Variants in SHROOM3 observed in about 807,000 individuals in gnomAD.
SHROOM3 encodes the protein protein Shroom3.
In SHROOM3, 47 loss-of-function variants were observed where a neutral mutation model predicts 138.6. That is an observed-to-expected ratio of 0.34 (90% CI 0.27 to 0.43). The LOEUF (loss-of-function observed/expected upper bound fraction) is 0.43, where lower values mean the gene tolerates loss of function less well. Among genes scored for constraint, SHROOM3 ranks in the 20% least tolerant of loss-of-function variants. The pLI is 1.00. For synonymous variants in SHROOM3, 1,062 were observed against 1,063.3 expected (o/e 1.00, Z 0.02); for missense variants, 2,491 against 2,596.5 (o/e 0.96, Z 0.88).
rs150682127 is a variant in SHROOM3, at chr4:76,694,271, A to G, written c.324-15885A>G. On this transcript the variant is annotated intron_variant, in intron 2 of 10. Coordinates refer to ENST00000296043, the MANE Select transcript of SHROOM3 (RefSeq NM_020859.4). Reference sequence around the variant, plus strand: ...TAAGACATTGTACCCTCAAGGGTTCATAGACACTCCAGCCACAAGTGTGAA... The same window carrying G: ...TAAGACATTGTACCCTCAAGGGTTCGTAGACACTCCAGCCACAAGTGTGAA... 3.3e-5 allele frequency among the ~76,000 whole-genome samples: 5 copies of G among 152,340 alleles called. No individual in the cohort carries two copies. The East Asian group carries it at 7.7e-4, about 24-fold the overall frequency.
At chr4:76,714,628 A>G (rs949224344) in intron 3 of SHROOM3, among the ~76,000 whole-genome samples, 2 of 152,222 alleles carry the variant, frequency 1.3e-5, no homozygotes, top group African/African-American at 2.4e-5. Flanking sequence ...TTTTCAGGCT[A>G]TGGAAATATC....
At chr4:76,765,048 T>C (rs996420822) in intron 9 of SHROOM3, among the ~76,000 whole-genome samples, 7 of 152,216 alleles carry the variant, frequency 4.6e-5, no homozygotes, top group African/African-American at 1.2e-4. Flanking sequence ...GTCCTTCAGA[T>C]TGGATAATTT....
chr4:76,630,707 C>T (rs568891956), intron 2 of SHROOM3, among the ~76,000 whole-genome samples: 43 of 152,186 alleles, frequency 2.8e-4, no homozygotes, highest in South Asian at 1.0e-3. Context: ...AGAATGTAGG[C>T]GACTCTGCCA....
chr4:76,556,285 A>T (rs192952967), intron 2 of SHROOM3, among the ~76,000 whole-genome samples: 86 of 152,352 alleles, frequency 5.6e-4, no homozygotes, highest in African/African-American at 1.8e-3. Flanking sequence ...CCTTAGCATC[A>T]GAAGCTTTGT....
At position 76,435,866 on chromosome 4, in the gene SHROOM3, C is replaced by T. The variant is rs759172405; in HGVS notation, c.-187C>T. 3.6e-6 allele frequency: 2 copies of T among 559,624 alleles called. No homozygotes were observed. Among genetic ancestry groups the T allele is most frequent in the African/African-American group, 3.8e-5 (2 of 52,844 alleles). 34.7% of individuals were successfully genotyped at this position (559,624 alleles called of 1,614,324 possible). A position where few individuals can be genotyped will look rare whatever the true frequency, so the allele number is the denominator to read the frequency against. Reference sequence around the variant, plus strand: ...TTCAGAAATGTTGAAGTGAAAATTCCTTCTGGTTCAGCATCTTGGAGTTCA... The same window carrying T: ...TTCAGAAATGTTGAAGTGAAAATTCTTTCTGGTTCAGCATCTTGGAGTTCA... On this transcript the variant is annotated 5_prime_UTR_variant, in exon 1 of 11. Coordinates refer to ENST00000296043, the MANE Select transcript of SHROOM3 (RefSeq NM_020859.4).
intron 1 of SHROOM3, among the ~76,000 whole-genome samples, chr4:76,482,750 T>C (rs1027769353): frequency 6.6e-6 from 1 of 152,094 alleles, no homozygotes; most frequent in Non-Finnish European, 1.5e-5. Context: ...CTTCAAACTA[T>C]ACTATAAGGC....
intron 6 of SHROOM3, among the ~76,000 whole-genome samples, chr4:76,751,450 A>C (rs1721620783): frequency 6.6e-6 from 1 of 152,210 alleles, no homozygotes; most frequent in Non-Finnish European, 1.5e-5. Flanking sequence ...TGCACTGTTC[A>C]AGTTTTATGA....
chr4:76,608,757 G>T (rs992374076), intron 2 of SHROOM3, among the ~76,000 whole-genome samples: 4 of 150,176 alleles, frequency 2.7e-5, no homozygotes, highest in Admixed American at 6.6e-5. Context: ...ACAGTGTCAG[G>T]TTAGAAGGCC....
At chr4:76,488,192 G>C (rs1438325424) in intron 1 of SHROOM3, among the ~76,000 whole-genome samples, 1 of 151,942 alleles carries the variant, frequency 6.6e-6, no homozygotes, top group Non-Finnish European at 1.5e-5. Flanking sequence ...TTTTTTAAAG[G>C]GGGTTCACTA....
At chr4:76,675,313 C>T (rs574545286) in intron 2 of SHROOM3, among the ~76,000 whole-genome samples, 2 of 152,276 alleles carry the variant, frequency 1.3e-5, no homozygotes, top group Non-Finnish European at 1.5e-5. Context: ...TGGCAACTAC[C>T]ATACTGACAG....
chr4:76,713,086 G>A (rs939078423), intron 3 of SHROOM3, among the ~76,000 whole-genome samples: 1 of 152,256 alleles, frequency 6.6e-6, no homozygotes, highest in Admixed American at 6.5e-5. Context: ...GAGTCAGCGA[G>A]TGAGTGGTGA....
intron 3 of SHROOM3, among the ~76,000 whole-genome samples, chr4:76,726,575 G>A (rs1560603092): frequency 7.0e-6 from 1 of 142,730 alleles, no homozygotes; most frequent in African/African-American, 2.6e-5. Flanking sequence ...TTAAGAGACT[G>A]TCTCTCTGGA....
Position 76,479,012 on chromosome 4 carries a change from C to T in SHROOM3, c.168+42792C>T, listed in dbSNP as rs903268755. ...CAAAGACCAAAGGTAGATAAATCCA[C>T]GAAGATGAGAAAAAAACAGCTCGAA... On this transcript the variant is annotated intron_variant, in intron 1 of 10. Transcript: ENST00000296043. 3.3e-5 allele frequency among the ~76,000 whole-genome samples: 5 copies of T among 152,084 alleles called. No homozygotes were observed. In the East Asian group the frequency reaches 5.8e-4, roughly 18 times the overall value.
chr4:76,512,028 G>T (rs564737854), intron 1 of SHROOM3, among the ~76,000 whole-genome samples: 45 of 152,290 alleles, frequency 3.0e-4, no homozygotes, highest in African/African-American at 9.6e-4. Flanking sequence ...GAGGTCCGAG[G>T]GAGTGGGCCT....
chr4:76,526,737 C>T (rs369983118), intron 1 of SHROOM3, among the ~76,000 whole-genome samples: 3 of 152,168 alleles, frequency 2.0e-5, no homozygotes, highest in East Asian at 3.9e-4. Context: ...GTTCTAAACT[C>T]TGGTCTGGGA....
rs72870100 is a variant in SHROOM3 at position 76,772,054 on chromosome 4, G to A, written c.5622+1156G>A. On this transcript the variant is annotated intron_variant, in intron 10 of 10. Transcript: ENST00000296043. ...CTAGAAGATGGAAACTACTCCAGCC[G>A]TGAAGAGGGGCTCCTTTTCTTGCCT... is the stretch of plus-strand genomic sequence containing the variant. Among the ~76,000 whole-genome samples, 705 of 151,802 alleles carry A rather than the reference G, an allele frequency of 4.6e-3. 4 individuals are homozygous for A. The highest frequency in any genetic ancestry group is 0.016 in the African/African-American group (663 of 41,396).
intron 2 of SHROOM3, among the ~76,000 whole-genome samples, chr4:76,677,096 A>C (rs555847930): frequency 6.6e-6 from 1 of 152,332 alleles, no homozygotes; most frequent in South Asian, 2.1e-4. Context: ...AGGAAAAATC[A>C]TTCTAGAGAC....
At chr4:76,441,086 GTTTTTTT>G (rs374530154) in intron 1 of SHROOM3, among the ~76,000 whole-genome samples, 4 of 82,182 alleles carry the variant, frequency 4.9e-5, no homozygotes, top group African/African-American at 1.9e-4. Flanking sequence ...AGTTCAATTT[GTTTTTTT>G]TTTTTTTTTT....
At chr4:76,668,428 C>T (rs1718779487) in intron 2 of SHROOM3, among the ~76,000 whole-genome samples, 1 of 152,160 alleles carries the variant, frequency 6.6e-6, no homozygotes, top group Non-Finnish European at 1.5e-5. Flanking sequence ...CAAAAATTAG[C>T]CGGACGTAGT....
Sources: gnomAD v4.1 joint callset for allele counts (sites outside exome capture counted in the v4.1 genomes callset) on GRCh38, gnomAD v4.1.1 for gene constraint, MANE v1.5 for transcripts, NCBI Gene and HGNC (gene_info 2026-07-23, HGNC 2026-07-21) for gene names.